The following GP9 variants were observed in gnomAD, a reference collection of about 807,000 sequenced individuals.
The protein encoded by GP9 is platelet glycoprotein IX.
For missense variants in GP9, 228 were observed against 241.8 expected (o/e 0.94, Z 0.38); for synonymous variants, 116 against 116.7 (o/e 0.99, Z 0.04).
In GP9 at chr3:129,062,162, G is replaced by A. The variant is rs553559631; in HGVS notation, c.423G>A (p.Ala141=). The A allele has an allele frequency of 1.6e-4, 246 of 1,581,030 alleles. No individual in the cohort carries two copies. Among genetic ancestry groups the A allele is most frequent in the Non-Finnish European group, 1.9e-4 (216 of 1,167,496 alleles). The change falls in exon 3 of 3, where the codon GCG becomes GCA. Residue 141 remains alanine (A), a synonymous_variant. Coordinates refer to ENST00000307395, the MANE Select transcript of GP9 (RefSeq NM_000174.5). ...GCAGCTGTGGCTGGCAGCTGCAGGC[G>A]TCCTGGGTGCGCCCGGGGGTCTTGT... ...QLGSCGWQLQ[A]SWVRPGVLWD...
At chr3:129,057,657 G>C (rs1946533002), upstream of GP9, among the ~76,000 whole-genome samples, 1 of 152,104 alleles carries the variant, frequency 6.6e-6, no homozygotes. Flanking sequence ...GTTAAGTTCT[G>C]AATAGATCCT....
rs764919230 is a variant in GP9, at chr3:129,062,028, C to A, written c.289C>A (p.Arg97Ser). ...WHCDCSLTYL[R>S]LWLEDRTPEA... is the part of the protein sequence containing the mutation. ...CTGTGACTGCAGCCTCACCTATCTG[C>A]GCCTCTGGCTGGAGGACCGCACGCC... Residue 97 changes from arginine (R) to serine (S), a missense_variant, in exon 3 of 3, where the codon CGC becomes AGC. By Grantham distance (110) the Arg-to-Ser change is moderately radical (BLOSUM62 -1). Transcript: ENST00000307395. 1.9e-6 allele frequency: 3 copies of A among 1,613,434 alleles called. No homozygotes were observed. Among genetic ancestry groups the A allele is most frequent in the Admixed American group, 3.3e-5 (2 of 60,030 alleles).
In GP9 at chr3:129,062,105, C is replaced by A; in HGVS notation, c.366C>A (p.Gly122=). 1 of 1,601,818 alleles carries A rather than the reference C, an allele frequency of 6.2e-7. No individual in the cohort carries two copies. Among genetic ancestry groups the A allele is most frequent in the Non-Finnish European group, 8.5e-7 (1 of 1,175,358 alleles). Residue 122 remains glycine (G), a synonymous_variant, in exon 3 of 3, where the codon GGC becomes GGA. Transcript: ENST00000307395. The part of the protein sequence containing the change: ...RCASPSLAAH[G]PLGRLTGYQL... ...CCAGCCCCAGCCTCGCTGCCCATGGCCCGCTGGGCCGGCTGACAGGCTACC... is the reference window on the plus strand; with the variant it reads ...CCAGCCCCAGCCTCGCTGCCCATGGACCGCTGGGCCGGCTGACAGGCTACC...
In GP9 at chr3:129,061,935, G is replaced by A. The variant is rs752262357; in HGVS notation, c.196G>A (p.Val66Met). The change falls in exon 3 of 3, where the codon GTG becomes ATG. Residue 66 changes from valine to methionine, a missense_variant. Transcript: ENST00000307395. The stretch of plus-strand genomic sequence containing the variant: ...GCTGGCCAACAACAGCCTTCAGTCC[G>A]TGCCCCCGGGAGCCTTTGACCACCT... ...LLLANNSLQS[V>M]PPGAFDHLPQ... 29 of 1,613,706 alleles carry A rather than the reference G, an allele frequency of 1.8e-5. No homozygotes were observed. Among genetic ancestry groups the A allele is most frequent in the East Asian group, 6.7e-5 (3 of 44,888 alleles).
chr3:129,058,160 T>C (rs548070505), upstream of GP9, among the ~76,000 whole-genome samples: 1 of 152,182 alleles, frequency 6.6e-6, no homozygotes, highest in South Asian at 2.1e-4. Flanking sequence ...CCTAACCTGA[T>C]GGAATGACCC....
rs1946573370 is a variant in GP9, at chr3:129,061,424, G to A, written c.-138-70G>A. The A allele has an allele frequency of 2.9e-5, 14 of 489,938 alleles. No homozygotes were observed. In the South Asian group the frequency reaches 2.9e-4, roughly 10 times the overall value. 30.3% of individuals were successfully genotyped at this position (489,938 alleles called of 1,614,324 possible). The stretch of plus-strand genomic sequence containing the variant: ...ATCTGCTCCTCTCATCCCCAAGCAG[G>A]GGATGGGGTCTCTGCTAAGGGCCAG... On this transcript the variant is annotated intron_variant, in intron 1 of 2. Coordinates refer to ENST00000307395, the MANE Select transcript of GP9 (RefSeq NM_000174.5).
upstream of GP9, among the ~76,000 whole-genome samples, chr3:129,060,556 G>T (rs561841385): frequency 6.6e-6 from 1 of 152,360 alleles, no homozygotes; most frequent in Admixed American, 6.5e-5. Flanking sequence ...GCCACCCTCA[G>T]TCCTCCACAG....
At chr3:129,060,299 T>C (rs143476838), upstream of GP9, among the ~76,000 whole-genome samples, 199 of 152,268 alleles carry the variant, frequency 1.3e-3, no homozygotes, top group African/African-American at 3.4e-3. Context: ...AAAAACACCA[T>C]GGCACCAAGA....
rs559327645 is a variant in GP9 at position 129,061,496 on chromosome 3, G to A, written c.-136G>A. The A allele has an allele frequency of 9.9e-5, 59 of 595,342 alleles. No homozygotes were observed. The highest frequency in any genetic ancestry group is 2.0e-4 in the East Asian group (7 of 35,722). The allele number at this position is 595,342 out of a possible 1,614,324, so 36.9% of individuals were successfully genotyped here. On this transcript the variant is annotated splice_region_variant and 5_prime_UTR_variant, in exon 2 of 3. Coordinates refer to ENST00000307395, the MANE Select transcript of GP9 (RefSeq NM_000174.5). The stretch of plus-strand genomic sequence containing the variant: ...AAACAAACTTACCCAATCCACAGCC[G>A]CCCTCACCGCCCGGCCTTCTACGGT...
At chr3:129,058,858 T>C (rs1386393412), upstream of GP9, among the ~76,000 whole-genome samples, 2 of 152,256 alleles carry the variant, frequency 1.3e-5, no homozygotes, top group African/African-American at 2.4e-5. Context: ...ACTTCTTTCC[T>C]GGCCAAAGCC....
At position 129,062,102 on chromosome 3, in the gene GP9, T is replaced by A. The variant is rs556468076; in HGVS notation, c.363T>A (p.His121Gln). The A allele has an allele frequency of 1.2e-6, 2 of 1,603,892 alleles. No individual in the cohort carries two copies. The highest frequency in any genetic ancestry group is 2.2e-5 in the East Asian group (1 of 44,476). The change falls in exon 3 of 3, where the codon CAT (histidine) becomes CAA (glutamine). Residue 121 changes from histidine to glutamine, a missense_variant. By Grantham distance (24) the His-to-Gln change is conservative. Coordinates refer to ENST00000307395, the MANE Select transcript of GP9 (RefSeq NM_000174.5). ...VRCASPSLAA[H>Q]GPLGRLTGYQ... ...GTGCCAGCCCCAGCCTCGCTGCCCA[T>A]GGCCCGCTGGGCCGGCTGACAGGCT...
In GP9 at chr3:129,061,826, G is replaced by A; in HGVS notation, c.87G>A (p.Leu29=). ...CCAGCCCATGTACCTGCCGCGCCCTGGAAACCATGGGGCTGTGGGTGGACT... is the reference window on the plus strand; with the variant it reads ...CCAGCCCATGTACCTGCCGCGCCCTAGAAACCATGGGGCTGTGGGTGGACT... The part of the protein sequence containing the change: ...DCPSPCTCRA[L]ETMGLWVDCR... The change falls in exon 3 of 3, where the codon CTG becomes CTA. Residue 29 remains leucine, a synonymous_variant. Coordinates refer to ENST00000307395, the MANE Select transcript of GP9 (RefSeq NM_000174.5). 5.0e-6 allele frequency: 8 copies of A among 1,612,774 alleles called. No homozygotes were observed. The highest frequency in any genetic ancestry group is 6.8e-6 in the Non-Finnish European group (8 of 1,179,556).
chr3:129,061,821 G>C lies in GP9; in HGVS notation c.82G>C (p.Ala28Pro), dbSNP rs759941195. 1 of 1,612,618 alleles carries C rather than the reference G, an allele frequency of 6.2e-7. No individual in the cohort carries two copies. Among genetic ancestry groups the C allele is most frequent in the Non-Finnish European group, 8.5e-7 (1 of 1,179,544 alleles). ...CTGCCCCAGCCCATGTACCTGCCGC[G>C]CCCTGGAAACCATGGGGCTGTGGGT... ...KDCPSPCTCR[A>P]LETMGLWVDC... The change falls in exon 3 of 3, where the codon GCC becomes CCC. Residue 28 changes from alanine to proline, a missense_variant. Ala to Pro is a conservative substitution (Grantham distance 27). Transcript: ENST00000307395.
Position 129,061,858 on chromosome 3 carries a change from G to A in GP9, c.119G>A (p.Gly40Asp), listed in dbSNP as rs751593201. Residue 40 changes from glycine to aspartate, a missense_variant, in exon 3 of 3, where the codon GGC (glycine) becomes GAC (aspartate). Gly to Asp is a moderately conservative substitution (Grantham distance 94). Transcript: ENST00000307395. The stretch of plus-strand genomic sequence containing the variant: ...ATGGGGCTGTGGGTGGACTGCAGGG[G>A]CCACGGACTCACGGCCCTGCCTGCC... ...ETMGLWVDCRGHGLTALPALP... is the reference protein window; with the variant it reads ...ETMGLWVDCRDHGLTALPALP... 6.8e-6 allele frequency: 11 copies of A among 1,612,336 alleles called. No homozygotes were observed. The highest frequency in any genetic ancestry group is 1.7e-5 in the Admixed American group (1 of 59,870).
Position 129,062,176 on chromosome 3 carries a change from C to T in GP9, c.437C>T (p.Pro146Leu), listed in dbSNP as rs761550329. 8 of 1,576,402 alleles carry T rather than the reference C, an allele frequency of 5.1e-6. No individual in the cohort carries two copies. The highest frequency in any genetic ancestry group is 2.7e-5 in the African/African-American group (2 of 74,410). Residue 146 changes from proline to leucine, a missense_variant, in exon 3 of 3, where the codon CCG (proline) becomes CTG (leucine). By Grantham distance (98) the Pro-to-Leu change is moderately conservative (BLOSUM62 -3). Coordinates refer to ENST00000307395, the MANE Select transcript of GP9 (RefSeq NM_000174.5). ...GWQLQASWVR[P>L]GVLWDVALVA... ...CAGCTGCAGGCGTCCTGGGTGCGCC[C>T]GGGGGTCTTGTGGGACGTGGCGCTG... is the stretch of plus-strand genomic sequence containing the variant.
upstream of GP9, among the ~76,000 whole-genome samples, chr3:129,056,418 T>A (rs574572688): frequency 9.6e-4 from 146 of 152,284 alleles, 1 homozygote; most frequent in Middle Eastern, 3.4e-3. Context: ...TGGGGGATAT[T>A]GAAAGATCCC....
chr3:129,061,942 C>A lies in GP9; in HGVS notation c.203C>A (p.Pro68Gln). Reference protein sequence around the residue: ...LANNSLQSVPPGAFDHLPQLQ... With the variant: ...LANNSLQSVPQGAFDHLPQLQ... ...AACAACAGCCTTCAGTCCGTGCCCC[C>A]GGGAGCCTTTGACCACCTGCCCCAG... is the stretch of plus-strand genomic sequence containing the variant. The change falls in exon 3 of 3, where the codon CCG (proline) becomes CAG (glutamine). Residue 68 changes from proline to glutamine, a missense_variant. Coordinates refer to ENST00000307395, the MANE Select transcript of GP9 (RefSeq NM_000174.5). 6.2e-7 allele frequency: 1 copy of A among 1,613,892 alleles called. No individual in the cohort carries two copies. Among genetic ancestry groups the A allele is most frequent in the Non-Finnish European group, 8.5e-7 (1 of 1,179,886 alleles).
intron 1 of GP9, 62 bp downstream of exon 1, chr3:129,060,912 G>C (rs1221279330): frequency 6.6e-6 from 1 of 152,622 alleles, no homozygotes; most frequent in Non-Finnish European, 1.5e-5. Context: ...GTCAGTTCCT[G>C]TCCCTTTAAC....
At chr3:129,058,607 C>A (rs970573579), upstream of GP9, among the ~76,000 whole-genome samples, 6 of 152,220 alleles carry the variant, frequency 3.9e-5, no homozygotes, top group African/African-American at 1.2e-4. Flanking sequence ...GGCAGCACGC[C>A]ATGGCAACAA....
Sources: gnomAD v4.1 joint callset for allele counts (sites outside exome capture counted in the v4.1 genomes callset) on GRCh38, gnomAD v4.1.1 for gene constraint, MANE v1.5 for transcripts, NCBI Gene and HGNC (gene_info 2026-07-23, HGNC 2026-07-21) for gene names.